MIER2: variants seen among roughly 807,000 people sequenced by gnomAD.
MIER2 encodes mesoderm induction early response protein 2.
In MIER2, 30 loss-of-function variants were observed where a neutral mutation model predicts 67.6. The observed-to-expected ratio is 0.44, with a 90% CI of 0.33 to 0.60. The LOEUF is 0.60. MIER2 is among the 20% of genes least tolerant of loss of function. MIER2 has a pLI of 0.02. For synonymous variants in MIER2, 372 were observed against 312.6 expected (o/e 1.19, Z -2.00); for missense variants, 702 against 745.1 (o/e 0.94, Z 0.67).
Position 344,783 on chromosome 19 carries a change from G to A in MIER2, c.-1C>T. Reference sequence around the variant, plus strand: ...CGGCCCGCTCACTCACCTCCGCCATGGCCGTGTGTGCGCGGGAGGCGGTGG... The same window carrying A: ...CGGCCCGCTCACTCACCTCCGCCATAGCCGTGTGTGCGCGGGAGGCGGTGG... On this transcript the variant is annotated 5_prime_UTR_variant, in exon 1 of 14. Transcript: ENST00000264819. The A allele has an allele frequency of 8.4e-7, 1 of 1,196,266 alleles. No homozygotes were observed. The highest frequency in any genetic ancestry group is 1.0e-6 in the Non-Finnish European group (1 of 964,970). The allele number at this position is 1,196,266 out of a possible 1,614,324, so 74.1% of individuals were successfully genotyped here.
At chr19:326,688 G>C (rs1568230446) in intron 5 of MIER2, 90 bp from the exon 6 acceptor site, 1 of 1,048,224 alleles carries the variant, frequency 9.5e-7, no homozygotes, top group East Asian at 2.4e-5. Flanking sequence ...CCATCCACCT[G>C]ATCCCCAGGC....
At chr19:326,176 C>G (rs571457428) in intron 6 of MIER2, among the ~76,000 whole-genome samples, 1 of 152,062 alleles carries the variant, frequency 6.6e-6, no homozygotes, top group Non-Finnish European at 1.5e-5. Context: ...ACGGCAGAAC[C>G]ACGGCTGGGA....
chr19:318,669 G>C (rs930649484), intron 7 of MIER2, among the ~76,000 whole-genome samples: 2 of 152,168 alleles, frequency 1.3e-5, no homozygotes, highest in African/African-American at 2.4e-5. Context: ...TACCAAAACA[G>C]ATCAAATAAT....
chr19:321,432 G>C (rs1320441071), intron 7 of MIER2, among the ~76,000 whole-genome samples: 1 of 152,136 alleles, frequency 6.6e-6, no homozygotes, highest in Non-Finnish European at 1.5e-5. Context: ...ATCACCTGAG[G>C]TTGGGAGTTC....
chr19:337,940 G>A (rs963220972), intron 1 of MIER2, among the ~76,000 whole-genome samples: 2 of 148,338 alleles, frequency 1.3e-5, no homozygotes, highest in African/African-American at 5.0e-5. Flanking sequence ...TTGGGAGGCC[G>A]AGGTGGGCAG....
At chr19:339,196 C>T (rs192081904) in intron 1 of MIER2, among the ~76,000 whole-genome samples, 22 of 151,572 alleles carry the variant, frequency 1.5e-4, no homozygotes, top group African/African-American at 5.3e-4. Flanking sequence ...GAGAAAATAT[C>T]TGAAAAATAA....
intron 7 of MIER2, among the ~76,000 whole-genome samples, chr19:319,927 C>T (rs1177060734): frequency 6.6e-6 from 1 of 152,156 alleles, no homozygotes; most frequent in Non-Finnish European, 1.5e-5. Flanking sequence ...AATGTGAGCA[C>T]ATCAAACTGA....
At chr19:321,272 A>T (rs1271755662) in intron 7 of MIER2, among the ~76,000 whole-genome samples, 1 of 152,238 alleles carries the variant, frequency 6.6e-6, no homozygotes, top group Non-Finnish European at 1.5e-5. Flanking sequence ...AGTGCATGAG[A>T]TACATACACA....
chr19:325,345 G>A (rs1477983932), intron 7 of MIER2, among the ~76,000 whole-genome samples: 2 of 152,178 alleles, frequency 1.3e-5, no homozygotes, highest in Non-Finnish European at 2.9e-5. Flanking sequence ...GAGGCGGCTG[G>A]AGTCAAGGGC....
rs146067641 is a variant in MIER2, at chr19:305,939, C to G, written c.*751G>C. On this transcript the variant is annotated 3_prime_UTR_variant, in exon 14 of 14. Coordinates refer to ENST00000264819, the MANE Select transcript of MIER2 (RefSeq NM_017550.3). ...CTCCGGAGGCTCCCTGCCTTGGTAC[C>G]GGGGGAGGACAGCAAAGGGGATGTA... is the stretch of plus-strand genomic sequence containing the variant. 1 of 152,066 alleles carries G rather than the reference C, an allele frequency of 6.6e-6. No individual in the cohort carries two copies. The highest frequency in any genetic ancestry group is 2.4e-5 in the African/African-American group (1 of 41,382). 9.4% of individuals were successfully genotyped at this position (152,066 alleles called of 1,614,324 possible). A position where few individuals can be genotyped will look rare whatever the true frequency, so the allele number is the denominator to read the frequency against.
At chr19:314,769 T>C (rs1971162852) in intron 7 of MIER2, among the ~76,000 whole-genome samples, 1 of 151,776 alleles carries the variant, frequency 6.6e-6, no homozygotes, top group Non-Finnish European at 1.5e-5. Context: ...ACATACAGCC[T>C]AGCATGTGAA....
intron 3 of MIER2, among the ~76,000 whole-genome samples, chr19:330,605 T>C (rs377762417): frequency 6.7e-6 from 1 of 150,212 alleles, no homozygotes; most frequent in Non-Finnish European, 1.5e-5. Flanking sequence ...ATATCAACTG[T>C]TACAGTCAAC....
chr19:329,891 G>T (rs989714467), intron 3 of MIER2, among the ~76,000 whole-genome samples: 37 of 143,568 alleles, frequency 2.6e-4, no homozygotes, highest in Non-Finnish European at 4.4e-4. Context: ...AAAAAAAGAA[G>T]ATGCTGGACA....
intron 7 of MIER2, among the ~76,000 whole-genome samples, chr19:317,744 AAAAC>A (rs1314995881): frequency 6.7e-5 from 10 of 150,144 alleles, no homozygotes; most frequent in Middle Eastern, 3.5e-3. Flanking sequence ...AAAAAAAAAA[AAAAC>A]AAACAAACAA....
At chr19:340,250 G>A (rs1356906964) in intron 1 of MIER2, among the ~76,000 whole-genome samples, 1 of 152,118 alleles carries the variant, frequency 6.6e-6, no homozygotes. Context: ...ACACTACTGG[G>A]GAACACAACG....
intron 1 of MIER2, among the ~76,000 whole-genome samples, chr19:338,040 C>T (rs1198026136): frequency 2.7e-5 from 4 of 150,736 alleles, no homozygotes; most frequent in East Asian, 3.9e-4. Context: ...GGTGTGGTGG[C>T]GGGCACCTGT....
chr19:340,398 T>C (rs913398172), intron 1 of MIER2: 1 of 152,192 alleles, frequency 6.6e-6, no homozygotes, highest in African/African-American at 2.4e-5. Context: ...GCCGATAACA[T>C]CAACAGTTGA....
At chr19:336,037 C>T (rs1159089948) in intron 2 of MIER2, 46 bp downstream of exon 2, 4 of 1,578,324 alleles carry the variant, frequency 2.5e-6, no homozygotes, top group Non-Finnish European at 3.5e-6. Context: ...CTCACAGCCA[C>T]AAAGGCCTTG....
chr19:326,901 G>C, intron 5 of MIER2: 1 of 598,846 alleles, frequency 1.7e-6, no homozygotes, highest in Non-Finnish European at 2.8e-6. Flanking sequence ...TCTGCTAGGG[G>C]AACCAACATG....
Sources: gnomAD v4.1 joint callset for allele counts (sites outside exome capture counted in the v4.1 genomes callset) on GRCh38, gnomAD v4.1.1 for gene constraint, MANE v1.5 for transcripts, NCBI Gene and HGNC (gene_info 2026-07-23, HGNC 2026-07-21) for gene names.